Variants in PPRC1 observed in about 807,000 individuals in gnomAD.
PPRC1 encodes the protein peroxisome proliferator-activated receptor gamma coactivator-related protein 1.
A neutral mutation model predicts 132.5 loss-of-function variants in PPRC1; 23 were observed. That is an observed-to-expected ratio of 0.17 (90% CI 0.12 to 0.25). The LOEUF (loss-of-function observed/expected upper bound fraction) is 0.25, where lower values mean the gene tolerates loss of function less well. PPRC1 is among the 10% of genes least tolerant of loss of function. The pLI is 1.00. For missense variants in PPRC1, 2,006 were observed against 2,089.1 expected, an observed-to-expected ratio of 0.96 and a Z score of 0.78; for synonymous variants, 872 against 833.5, an observed-to-expected ratio of 1.05 and a Z score of -0.80.
upstream of PPRC1, among the ~76,000 whole-genome samples, chr10:102,130,994 C>T (rs12781848): frequency 0.2 from 30,625 of 151,688 alleles, 3,676 homozygotes; most frequent in Non-Finnish European, 0.27. Flanking sequence ...AGATCGAGAC[C>T]GTCCTGGCCA....
rs774690301 is a variant in PPRC1 at position 102,133,232 on chromosome 10, G to A, written c.153+11G>A. The A allele has an allele frequency of 4.8e-5, 62 of 1,278,428 alleles. No individual in the cohort carries two copies. Among genetic ancestry groups the A allele is most frequent in the Non-Finnish European group, 6.0e-5 (60 of 1,006,148 alleles). 79.2% of individuals were successfully genotyped at this position (1,278,428 alleles called of 1,614,324 possible). On this transcript the variant is annotated intron_variant, in intron 1 of 13. Coordinates refer to ENST00000278070, the MANE Select transcript of PPRC1 (RefSeq NM_015062.5). ...AGCGGCGGCGAGCAGGTGAGAGGTT[G>A]GCTGGCGGCCCGCGACAGGCAGCAA...
intron 7 of PPRC1, 96 bp from the exon 8 acceptor site, chr10:102,144,924 C>A: frequency 9.8e-7 from 1 of 1,024,056 alleles, no homozygotes; most frequent in Admixed American, 2.0e-5. Context: ...CCATTCTTCT[C>A]TGCACCCACC....
At chr10:102,121,663 C>T in the PPRC1 span, among the ~76,000 whole-genome samples, 3 of 152,156 alleles carry the variant, frequency 2.0e-5, no homozygotes, top group Non-Finnish European at 4.4e-5. Context: ...CCCCTCCCTC[C>T]TGGGGTCCCC....
chr10:102,131,762 ATCC>A (rs2133570700), upstream of PPRC1, among the ~76,000 whole-genome samples: 1 of 152,310 alleles, frequency 6.6e-6, no homozygotes, highest in African/African-American at 2.4e-5. Context: ...GGTTCAAGCA[ATCC>A]TCCTGCCTCG....
upstream of PPRC1, among the ~76,000 whole-genome samples, chr10:102,130,372 G>A (rs1213752026): frequency 7.3e-6 from 1 of 137,048 alleles, no homozygotes; most frequent in African/African-American, 2.8e-5. Flanking sequence ...AGCCGAGATC[G>A]CGCCACTGCA....
the PPRC1 span, among the ~76,000 whole-genome samples, chr10:102,124,742 A>G: frequency 6.7e-6 from 1 of 149,882 alleles, no homozygotes; most frequent in Non-Finnish European, 1.5e-5. Flanking sequence ...TTCTGGGCTT[A>G]AGCAGTTCTC....
chr10:102,119,973 G>A, the PPRC1 span: 3 of 786,994 alleles, frequency 3.8e-6, no homozygotes, highest in South Asian at 2.3e-5. Flanking sequence ...TCCAGCCCCC[G>A]GCTTCCCCCA....
rs769406414 is a variant in PPRC1 at position 102,141,985 on chromosome 10, G to A, written c.3477G>A (p.Gln1159=). The change falls in exon 5 of 14, where the codon CAG becomes CAA. Residue 1159 remains glutamine (Q), a synonymous_variant. Coordinates refer to ENST00000278070, the MANE Select transcript of PPRC1 (RefSeq NM_015062.5). ...CTCAGGGTTCTGAAGATGTGGTACAGGCTTTCATCAGTGAGATTGGTGAGT... is the reference window on the plus strand; with the variant it reads ...CTCAGGGTTCTGAAGATGTGGTACAAGCTTTCATCAGTGAGATTGGTGAGT... ...PRTQGSEDVV[Q]AFISEIGIEA... The A allele has an allele frequency of 1.2e-6, 2 of 1,610,196 alleles. No homozygotes were observed. The highest frequency in any genetic ancestry group is 8.5e-7 in the Non-Finnish European group (1 of 1,177,326).
rs535789341 is a variant in PPRC1 at position 102,138,660 on chromosome 10, C to T, written c.384C>T (p.Leu128=). Residue 128 remains leucine, a synonymous_variant, in exon 3 of 14, where the codon CTC becomes CTT. Transcript: ENST00000278070. The part of the protein sequence containing the change: ...SLEDQNEVSL[L]TALTEILDNA... ...AGGACCAGAATGAAGTGTCGCTGCT[C>T]ACGGCTCTGACGGAGATCTTGGACA... is the stretch of plus-strand genomic sequence containing the variant. 36 of 1,614,194 alleles carry T rather than the reference C, an allele frequency of 2.2e-5. 2 individuals carry two copies. The South Asian group carries it at 3.6e-4, about 16-fold the overall frequency.
Position 102,141,444 on chromosome 10 carries a change from A to G in PPRC1, c.2936A>G (p.Tyr979Cys), listed in dbSNP as rs543786836. 3.0e-5 allele frequency: 49 copies of G among 1,613,586 alleles called. No individual in the cohort carries two copies. In the East Asian group the frequency reaches 6.9e-4, roughly 23 times the overall value. ...TCACCTTACAGTTCCACATGTACCT[A>G]TGGGCCCTTGGGATGGGGCCCAGGG... ...PVSPYSSTCT[Y>C]GPLGWGPGPQ... Residue 979 changes from tyrosine (Y) to cysteine (C), a missense_variant, in exon 5 of 14, where the codon TAT becomes TGT. Physicochemically the swap from Tyr to Cys is radical, Grantham distance 194. Transcript: ENST00000278070.
In PPRC1 at chr10:102,140,328, T is replaced by C; in HGVS notation, c.1820T>C (p.Val607Ala). ...CCTGTTCTAGCTGGCCCTGTACCTG[T>C]TGACCCTGGGTTGGTTGACCTTGCT... ...VGPVLAGPVP[V>A]DPGLVDLAST... is the part of the protein sequence containing the mutation. Residue 607 changes from valine (V) to alanine (A), a missense_variant, in exon 5 of 14, where the codon GTT becomes GCT. Val to Ala is a moderately conservative substitution (Grantham distance 64). Around this residue, in one of 2 missense-constraint regions of PPRC1, gnomAD observed 1,914 missense variants for 1,917.2 expected, o/e 1.00. Coordinates refer to ENST00000278070, the MANE Select transcript of PPRC1 (RefSeq NM_015062.5). The C allele has an allele frequency of 1.2e-6, 2 of 1,614,242 alleles. No individual in the cohort carries two copies. The highest frequency in any genetic ancestry group is 1.7e-6 in the Non-Finnish European group (2 of 1,180,034).
rs1220963452 is a variant in PPRC1 at position 102,145,087 on chromosome 10, G to A, written c.3676G>A (p.Ala1226Thr). Residue 1226 changes from alanine to threonine, a missense_variant, in exon 8 of 14, where the codon GCA becomes ACA. Ala to Thr is a moderately conservative substitution (Grantham distance 58). Coordinates refer to ENST00000278070, the MANE Select transcript of PPRC1 (RefSeq NM_015062.5). Reference protein sequence around the residue: ...RLQAPELANVAGLTPPATPPH... With the variant: ...RLQAPELANVTGLTPPATPPH... Reference sequence around the variant, plus strand: ...ACAAGCCCCAGAACTGGCCAACGTGGCAGGTGGGTTCAGGGTGGGGAATTC... The same window carrying A: ...ACAAGCCCCAGAACTGGCCAACGTGACAGGTGGGTTCAGGGTGGGGAATTC... 4 of 1,613,426 alleles carry A rather than the reference G, an allele frequency of 2.5e-6. No individual in the cohort carries two copies. In the Admixed American group the frequency reaches 6.7e-5, roughly 27 times the overall value.
At chr10:102,132,916 G>T (rs929495287), upstream of PPRC1, 5 of 1,124,280 alleles carry the variant, frequency 4.4e-6, no homozygotes, top group African/African-American at 8.1e-5. Context: ...GCGAGGCCAG[G>T]GCCTTCTTCC....
intron 7 of PPRC1, chr10:102,144,787 G>C (rs566954300): frequency 3.7e-6 from 2 of 547,546 alleles, no homozygotes; most frequent in South Asian, 2.3e-5. Context: ...AAGGAGGTGG[G>C]GGGTATTCAA....
chr10:102,136,208 A>G (rs910475745), intron 1 of PPRC1, among the ~76,000 whole-genome samples: 1 of 151,998 alleles, frequency 6.6e-6, no homozygotes, highest in African/African-American at 2.4e-5. Flanking sequence ...AAAACCTACC[A>G]CTTTTTGCTT....
the PPRC1 span, among the ~76,000 whole-genome samples, chr10:102,121,692 C>T: frequency 6.6e-6 from 1 of 152,092 alleles, no homozygotes; most frequent in Non-Finnish European, 1.5e-5. Flanking sequence ...GCTTTTCTTT[C>T]TTAAGTTTCA....
In PPRC1 at chr10:102,140,602, G is replaced by A. The variant is rs569260154; in HGVS notation, c.2094G>A (p.Val698=). 1 of 1,614,104 alleles carries A rather than the reference G, an allele frequency of 6.2e-7. No homozygotes were observed. Among genetic ancestry groups the A allele is most frequent in the African/African-American group, 1.3e-5 (1 of 75,012 alleles). The change falls in exon 5 of 14, where the codon GTG becomes GTA. Residue 698 remains valine, a synonymous_variant. Transcript: ENST00000278070. ...SRPTDPRRGA[V]SSALGGSAPQ... Reference sequence around the variant, plus strand: ...CAACTGATCCCAGACGTGGTGCAGTGTCATCAGCCCTGGGGGGTTCAGCAC... The same window carrying A: ...CAACTGATCCCAGACGTGGTGCAGTATCATCAGCCCTGGGGGGTTCAGCAC...
the PPRC1 span, among the ~76,000 whole-genome samples, chr10:102,122,261 C>T: frequency 2.6e-5 from 4 of 152,088 alleles, no homozygotes; most frequent in Non-Finnish European, 1.5e-5. Context: ...AACACTGGCC[C>T]GAAATTGTGG....
the PPRC1 span, among the ~76,000 whole-genome samples, chr10:102,125,490 C>T: frequency 1.3e-5 from 2 of 151,724 alleles, no homozygotes; most frequent in Non-Finnish European, 2.9e-5. Context: ...GATCTCTTGA[C>T]CTCATGATCC....
Sources: allele counts gnomAD v4.1 joint callset (sites outside exome capture counted in the v4.1 genomes callset), GRCh38; gene constraint gnomAD v4.1.1; regional missense constraint gnomAD v4.1.1; transcripts MANE v1.5; gene names NCBI Gene and HGNC (gene_info 2026-07-23, HGNC 2026-07-21).